KLF8: variants seen among roughly 807,000 people sequenced by gnomAD.
KLF8 encodes the protein Krueppel-like factor 8.
In KLF8, 10 loss-of-function variants were observed where a neutral mutation model predicts 18.2. The observed-to-expected ratio is 0.55, with a 90% CI of 0.34 to 0.93. KLF8 has a LOEUF of 0.93. Among genes scored for constraint, KLF8 ranks in the 40% least tolerant of loss-of-function variants. The pLI is 0.02. For missense variants in KLF8, 264 were observed against 277.9 expected, an observed-to-expected ratio of 0.95 and a Z score of 0.36; for synonymous variants, 109 against 97.3, an observed-to-expected ratio of 1.12 and a Z score of -0.71.
chrX:56,047,293 T>A, the KLF8 span, among the ~76,000 whole-genome samples: 1 of 109,964 alleles, frequency 9.1e-6, no homozygotes, highest in African/African-American at 3.3e-5. Context: ...TACTTTAAGT[T>A]TTAGGGTACA....
At chrX:56,044,071 A>G in the KLF8 span, among the ~76,000 whole-genome samples, 4 of 111,789 alleles carry the variant, frequency 3.6e-5, no homozygotes, top group African/African-American at 1.3e-4. Context: ...GGGCTGTTGC[A>G]GTTTGCTTTG....
the KLF8 span, among the ~76,000 whole-genome samples, chrX:55,980,162 T>A: frequency 2.7e-5 from 3 of 111,526 alleles, no homozygotes; most frequent in African/African-American, 9.8e-5. Context: ...AGTATAAGGA[T>A]GAAAAGGAGT....
At chrX:56,198,389 G>A in the KLF8 span, among the ~76,000 whole-genome samples, 2 of 112,128 alleles carry the variant, frequency 1.8e-5, no homozygotes, top group Admixed American at 9.5e-5. Flanking sequence ...CTTCAGCAAA[G>A]TCTCAGGATA....
chrX:56,104,448 G>A, the KLF8 span, among the ~76,000 whole-genome samples: 1 of 111,481 alleles, frequency 9.0e-6, no homozygotes, highest in Non-Finnish European at 1.9e-5. Context: ...TCTTGGGAGG[G>A]TGTATGTGCC....
At chrX:56,262,887 T>G (rs1304838247) in intron 2 of KLF8, among the ~76,000 whole-genome samples, 2 of 111,519 alleles carry the variant, frequency 1.8e-5, no homozygotes, top group Non-Finnish European at 3.8e-5. Flanking sequence ...CCTCCCAAAG[T>G]GCTGGGATTA....
At chrX:56,040,257 C>G in the KLF8 span, among the ~76,000 whole-genome samples, 1 of 111,484 alleles carries the variant, frequency 9.0e-6, no homozygotes, top group African/African-American at 3.3e-5. Flanking sequence ...ACTTCCAATA[C>G]TATGTTGAAT....
the KLF8 span, among the ~76,000 whole-genome samples, chrX:56,013,218 T>A: frequency 7.1e-5 from 8 of 112,929 alleles, no homozygotes; most frequent in African/African-American, 2.2e-4. Context: ...ATGACTGCCC[T>A]ATTGGATTTC....
chrX:56,201,826 A>G, the KLF8 span, among the ~76,000 whole-genome samples: 1 of 111,858 alleles, frequency 8.9e-6, no homozygotes, highest in Non-Finnish European at 1.9e-5. Context: ...AAAACCCAGT[A>G]GCCTAAATAT....
chrX:56,196,038 A>G, the KLF8 span, among the ~76,000 whole-genome samples: 1 of 111,532 alleles, frequency 9.0e-6, no homozygotes, highest in South Asian at 3.8e-4. Flanking sequence ...ATGCTGAGAG[A>G]TTATGTCACC....
chrX:56,132,799 C>A, the KLF8 span, among the ~76,000 whole-genome samples: 1 of 110,778 alleles, frequency 9.0e-6, no homozygotes, highest in Non-Finnish European at 1.9e-5. Context: ...GAGAGAAGAT[C>A]CAAATAACAT....
At chrX:56,071,707 C>G in the KLF8 span, among the ~76,000 whole-genome samples, 3 of 111,606 alleles carry the variant, frequency 2.7e-5, no homozygotes, top group African/African-American at 9.8e-5. Context: ...AAAACAGTAC[C>G]TAATTTGGTC....
At chrX:56,253,642 G>C (rs2066744899) in intron 2 of KLF8, among the ~76,000 whole-genome samples, 1 of 109,762 alleles carries the variant, frequency 9.1e-6, no homozygotes, top group Non-Finnish European at 1.9e-5. Flanking sequence ...GTCAGGTAAT[G>C]TGATTCCTTC....
At chrX:56,191,974 A>G in the KLF8 span, among the ~76,000 whole-genome samples, 1 of 111,500 alleles carries the variant, frequency 9.0e-6, no homozygotes, top group African/African-American at 3.3e-5. Context: ...AGACCTAACT[A>G]AAGCAATCAG....
chrX:56,026,226 C>T, the KLF8 span, among the ~76,000 whole-genome samples: 2 of 111,643 alleles, frequency 1.8e-5, no homozygotes, highest in Admixed American at 1.9e-4. Flanking sequence ...TCCTTTCCAT[C>T]ATGGCCGCAG....
chrX:56,054,600 G>A, the KLF8 span, among the ~76,000 whole-genome samples: 1 of 111,520 alleles, frequency 9.0e-6, no homozygotes, highest in Non-Finnish European at 1.9e-5. Flanking sequence ...TATCTATCAG[G>A]TCCAGTTAAG....
chrX:56,067,979 G>A, the KLF8 span, among the ~76,000 whole-genome samples: 2 of 112,008 alleles, frequency 1.8e-5, no homozygotes, highest in Non-Finnish European at 3.8e-5. Flanking sequence ...GCTTGAATTC[G>A]GCCAGCTATT....
At chrX:55,923,714 G>A in the KLF8 span, among the ~76,000 whole-genome samples, 1 of 21,379 alleles carries the variant, frequency 4.7e-5, no homozygotes, top group African/African-American at 1.1e-4. Context: ...ACGTGTGTGT[G>A]TGTGTGTGTG....
the KLF8 span, among the ~76,000 whole-genome samples, chrX:56,018,551 T>C: frequency 9.0e-6 from 1 of 111,192 alleles, no homozygotes; most frequent in African/African-American, 3.3e-5. Flanking sequence ...TTGGTTTTCA[T>C]AGAAACAAGT....
At chrX:56,021,018 T>C in the KLF8 span, among the ~76,000 whole-genome samples, 1 of 112,378 alleles carries the variant, frequency 8.9e-6, no homozygotes, top group East Asian at 2.8e-4. Context: ...ATATTTATTG[T>C]AATACAGCAT....
Sources: allele counts gnomAD v4.1 joint callset (sites outside exome capture counted in the v4.1 genomes callset), GRCh38; gene constraint gnomAD v4.1.1; transcripts MANE v1.5; gene names NCBI Gene and HGNC (gene_info 2026-07-23, HGNC 2026-07-21).